The following TSPAN9 variants were observed in gnomAD, a reference collection of about 807,000 sequenced individuals.
The protein encoded by TSPAN9 is tetraspanin 9, also known as tetraspanin-9.
In TSPAN9, 16 loss-of-function variants were observed where a neutral mutation model predicts 31.0. The ratio of observed to expected loss-of-function variants is 0.52; its 90% confidence interval spans 0.35 to 0.78. The LOEUF is 0.78. Ranked by LOEUF, TSPAN9 falls within the 30% of genes least tolerant of loss-of-function variation. The probability of loss-of-function intolerance (pLI) is 0.01; values close to 1 mark genes in which losing one functional copy is unlikely to be tolerated. For missense variants in TSPAN9, 272 were observed against 312.5 expected (o/e 0.87, Z 0.98); for synonymous variants, 145 against 121.6 (o/e 1.19, Z -1.27).
chr12:3,079,945 AT>A (rs533753373), intron 1 of TSPAN9, among the ~76,000 whole-genome samples: 301 of 140,280 alleles, frequency 2.1e-3, no homozygotes, highest in Middle Eastern at 3.9e-3. Flanking sequence ...AATTAAAAAA[AT>A]TTTTTTTTTT....
At chr12:3,140,602 G>A (rs113512991) in intron 2 of TSPAN9, among the ~76,000 whole-genome samples, 49 of 152,274 alleles carry the variant, frequency 3.2e-4, no homozygotes, top group African/African-American at 1.0e-3. Context: ...GTGAGGAGGC[G>A]TTTGGGGTTC....
At position 3,150,192 on chromosome 12, in the gene TSPAN9, C is replaced by T. The variant is rs145300197; in HGVS notation, c.-17-50985C>T. Reference sequence around the variant, plus strand: ...TGGCTGGACTTCAGAGAATATGTCTCGGCCTCCCTCGGTCTGTTTCCGCCC... The same window carrying T: ...TGGCTGGACTTCAGAGAATATGTCTTGGCCTCCCTCGGTCTGTTTCCGCCC... On this transcript the variant is annotated intron_variant, in intron 2 of 8. Transcript: ENST00000011898. Among the ~76,000 whole-genome samples, 208 of 152,360 alleles carry T rather than the reference C, an allele frequency of 1.4e-3. 1 individual carries two copies. The highest frequency in any genetic ancestry group is 6.8e-3 in the Middle Eastern group (2 of 294).
chr12:3,253,301 C>G (rs1862287190), intron 3 of TSPAN9, among the ~76,000 whole-genome samples: 1 of 152,254 alleles, frequency 6.6e-6, no homozygotes, highest in Non-Finnish European at 1.5e-5. Context: ...CCTGCCGGCT[C>G]AGTGAACAAA....
rs117623458 is a variant in TSPAN9 at position 3,244,019 on chromosome 12, G to A, written c.64-34402G>A. 3.3e-4 allele frequency among the ~76,000 whole-genome samples: 51 copies of A among 152,352 alleles called. No individual in the cohort carries two copies. In the East Asian group the frequency reaches 5.8e-3, roughly 17 times the overall value. ...CTCTGGTGCCTGGCACCTGGGCCAAGGCTGCCCTTTCAGCTTGCCCGTTGG... is the reference window on the plus strand; with the variant it reads ...CTCTGGTGCCTGGCACCTGGGCCAAAGCTGCCCTTTCAGCTTGCCCGTTGG... On this transcript the variant is annotated intron_variant, in intron 3 of 8. Coordinates refer to ENST00000011898, the MANE Select transcript of TSPAN9 (RefSeq NM_006675.5).
rs3782787 is a variant in TSPAN9 at position 3,249,095 on chromosome 12, C to A, written c.64-29326C>A. ...TCCTCTTAGTTCATTCGATACAGGC[C>A]TGCCAGAGTCTGCTTCCCAGGGCCT... On this transcript the variant is annotated intron_variant, in intron 3 of 8. Coordinates refer to ENST00000011898, the MANE Select transcript of TSPAN9 (RefSeq NM_006675.5). Among the ~76,000 whole-genome samples the A allele has an allele frequency of 1.9e-4, 29 of 152,124 alleles. 1 individual carries two copies. Among genetic ancestry groups the A allele is most frequent in the African/African-American group, 6.8e-4 (28 of 41,432 alleles).
intron 2 of TSPAN9, among the ~76,000 whole-genome samples, chr12:3,180,494 A>T (rs74517572): frequency 1.3e-5 from 2 of 149,642 alleles, no homozygotes; most frequent in Admixed American, 6.7e-5. Context: ...AAAAAAAAAA[A>T]GTCTTCTGAC....
intron 3 of TSPAN9, among the ~76,000 whole-genome samples, chr12:3,213,723 G>T (rs77448851): frequency 6.6e-6 from 1 of 152,154 alleles, no homozygotes; most frequent in Non-Finnish European, 1.5e-5. Context: ...AAGCCACTCC[G>T]TAGAGGGCTG....
chr12:3,122,171 T>C (rs1285836621), intron 2 of TSPAN9, among the ~76,000 whole-genome samples: 1 of 151,980 alleles, frequency 6.6e-6, no homozygotes, highest in Non-Finnish European at 1.5e-5. Context: ...CCATTTCTAC[T>C]AAAAATACAA....
At chr12:3,152,580 G>GTTCTT (rs985055080) in intron 2 of TSPAN9, among the ~76,000 whole-genome samples, 1 of 149,860 alleles carries the variant, frequency 6.7e-6, no homozygotes, top group African/African-American at 2.5e-5. Context: ...TCAGAGCCCC[G>GTTCTT]TTCTTTTCTT....
intron 2 of TSPAN9, among the ~76,000 whole-genome samples, chr12:3,087,996 TAGG>T (rs1325282643): frequency 6.6e-6 from 1 of 152,114 alleles, no homozygotes; most frequent in Non-Finnish European, 1.5e-5. Context: ...CCAGGGACAG[TAGG>T]AGAAGATCCT....
rs1424620198 is a variant in TSPAN9 at position 3,283,322 on chromosome 12, G to T, written c.*206G>T. On this transcript the variant is annotated 3_prime_UTR_variant, in exon 9 of 9. Transcript: ENST00000011898. The stretch of plus-strand genomic sequence containing the variant: ...GGAGGCACACGGAGACCTGGGGCTC[G>T]GGGCCCCTGGATTCCTGCATCTGCA... The T allele has an allele frequency of 2.7e-5, 15 of 552,112 alleles. No individual in the cohort carries two copies. The highest frequency in any genetic ancestry group is 4.4e-5 in the Non-Finnish European group (14 of 319,060). The allele number at this position is 552,112 out of a possible 1,614,324, so 34.2% of individuals were successfully genotyped here.
intron 3 of TSPAN9, among the ~76,000 whole-genome samples, chr12:3,256,250 G>A (rs1478222403): frequency 1.6e-4 from 25 of 152,208 alleles, no homozygotes; most frequent in Admixed American, 1.2e-3. Context: ...AACCACGTCC[G>A]ATAGCAGTCC....
At chr12:3,186,546 TTGTGTGTGTG>T (rs61329208) in intron 2 of TSPAN9, among the ~76,000 whole-genome samples, 46 of 135,958 alleles carry the variant, frequency 3.4e-4, no homozygotes, top group East Asian at 6.9e-4. Flanking sequence ...AGGAGTTTGT[TTGTGTGTGTG>T]TGTGTGTGTG....
chr12:3,215,854 G>A (rs1206172721), intron 3 of TSPAN9, among the ~76,000 whole-genome samples: 4 of 151,802 alleles, frequency 2.6e-5, no homozygotes, highest in Non-Finnish European at 5.9e-5. Flanking sequence ...TCTCCGTCTG[G>A]AGCCTGTATC....
In TSPAN9 at chr12:3,081,844, G is replaced by GTGTGTGTGTATATA. The variant is rs57812985; in HGVS notation, c.-84-1808_-84-1807insGTGTGTGTATATAT. On this transcript the variant is annotated intron_variant, in intron 1 of 8. Coordinates refer to ENST00000011898, the MANE Select transcript of TSPAN9 (RefSeq NM_006675.5). ...TGTGTGTGTGTGTGTGTCTGTGTGTGTATATATATGCCAGGTGTGGTGGTA... is the reference window on the plus strand; with the variant it reads ...TGTGTGTGTGTGTGTGTCTGTGTGTGTGTGTGTGTATATATATATATATGCCAGGTGTGGTGGTA... 1.5e-4 allele frequency among the ~76,000 whole-genome samples: 17 copies of GTGTGTGTGTATATA among 116,740 alleles called. 1 individual carries two copies. Among genetic ancestry groups the GTGTGTGTGTATATA allele is most frequent in the East Asian group, 1.3e-3 (5 of 3,820 alleles). The allele number at this position is 116,740 out of a possible 152,430, so 76.6% of individuals were successfully genotyped here.
intron 3 of TSPAN9, among the ~76,000 whole-genome samples, chr12:3,266,522 C>T (rs746099797): frequency 6.6e-6 from 1 of 152,324 alleles, no homozygotes; most frequent in Middle Eastern, 3.4e-3. Context: ...ACACGTTTGT[C>T]TGGGGAAACT....
chr12:3,132,884 C>T (rs1270157183), intron 2 of TSPAN9, among the ~76,000 whole-genome samples: 1 of 152,122 alleles, frequency 6.6e-6, no homozygotes, highest in Non-Finnish European at 1.5e-5. Flanking sequence ...ACAGGCGCCA[C>T]CCTGAGGCCG....
At position 3,152,393 on chromosome 12, in the gene TSPAN9, GCAGTCCTT is replaced by G. The variant is rs2098340249; in HGVS notation, c.-17-48782_-17-48775del. Among the ~76,000 whole-genome samples the G allele has an allele frequency of 4.2e-4, 64 of 152,286 alleles. No homozygotes were observed. In the South Asian group the frequency reaches 0.013, roughly 31 times the overall value. On this transcript the variant is annotated intron_variant, in intron 2 of 8. Transcript: ENST00000011898. ...GCCCCTCTTTTTGGAAGGTCCTGTGGCAGTCCTTCTGTCCTTCTGACACACCTGCCCCC... is the reference window on the plus strand; with the variant it reads ...GCCCCTCTTTTTGGAAGGTCCTGTGGCTGTCCTTCTGACACACCTGCCCCC...
intron 2 of TSPAN9, among the ~76,000 whole-genome samples, chr12:3,176,256 G>A (rs186925270): frequency 1.3e-5 from 2 of 152,224 alleles, no homozygotes; most frequent in Non-Finnish European, 2.9e-5. Flanking sequence ...AGTCTGAATG[G>A]GGGGAGCCCA....
Sources: allele counts gnomAD v4.1 joint callset (sites outside exome capture counted in the v4.1 genomes callset), GRCh38; gene constraint gnomAD v4.1.1; transcripts MANE v1.5; gene names NCBI Gene and HGNC (gene_info 2026-07-23, HGNC 2026-07-21).